ESR2: variants seen among roughly 807,000 people sequenced by gnomAD.
ESR2 encodes the protein estrogen receptor 2.
Under a neutral mutation model 49.6 loss-of-function variants are expected in ESR2, and 36 were observed. The ratio of observed to expected loss-of-function variants is 0.73; its 90% confidence interval spans 0.56 to 0.96. ESR2 has a LOEUF of 0.96. ESR2 is among the 40% of genes least tolerant of loss of function. The probability of loss-of-function intolerance (pLI) is 0.00; values close to 1 mark genes in which losing one functional copy is unlikely to be tolerated. For missense variants in ESR2, 714 were observed against 693.0 expected, an observed-to-expected ratio of 1.03 and a Z score of -0.34; for synonymous variants, 320 against 266.1, an observed-to-expected ratio of 1.20 and a Z score of -1.97.
At chr14:64,308,982 A>G (rs1345191175) in intron 1 of ESR2, among the ~76,000 whole-genome samples, 1 of 152,106 alleles carries the variant, frequency 6.6e-6, no homozygotes, top group East Asian at 1.9e-4. Flanking sequence ...AGAAAATAAA[A>G]AAGAAAAGAG....
At chr14:64,227,617 TA>T, downstream of ESR2, 1 of 1,614,170 alleles carries the variant, frequency 6.2e-7, no homozygotes, top group Non-Finnish European at 8.5e-7. Context: ...TTTCTGCCCT[TA>T]AGTAGAGATG....
chr14:64,276,249 A>G (rs2140794550), intron 3 of ESR2, among the ~76,000 whole-genome samples: 1 of 152,346 alleles, frequency 6.6e-6, no homozygotes, highest in East Asian at 1.9e-4. Flanking sequence ...ATAGGTTAAT[A>G]TATAAAGCAC....
At chr14:64,259,423 TATAAG>T (rs1200844854) in intron 5 of ESR2, among the ~76,000 whole-genome samples, 2 of 152,150 alleles carry the variant, frequency 1.3e-5, no homozygotes, top group Non-Finnish European at 2.9e-5. Flanking sequence ...GCTCAGAACT[TATAAG>T]AGACTTCATT....
At chr14:64,279,073 A>G (rs748331159) in intron 3 of ESR2, among the ~76,000 whole-genome samples, 3 of 152,260 alleles carry the variant, frequency 2.0e-5, no homozygotes, top group East Asian at 1.9e-4. Flanking sequence ...TTGTAACCCA[A>G]TCATTGCTTC....
At chr14:64,293,287 A>G (rs1284055202) in intron 1 of ESR2, among the ~76,000 whole-genome samples, 1 of 152,218 alleles carries the variant, frequency 6.6e-6, no homozygotes, top group East Asian at 1.9e-4. Flanking sequence ...GCAAAAGTAA[A>G]ACTTTCTAAT....
chr14:64,327,243 A>G (rs147983374), intron 1 of ESR2, among the ~76,000 whole-genome samples: 1,765 of 152,338 alleles, frequency 0.012, 37 homozygotes, highest in African/African-American at 0.04. Context: ...TCCAAAATTA[A>G]AAAGAAATGT....
intron 7 of ESR2, among the ~76,000 whole-genome samples, chr14:64,245,373 G>C: frequency 6.6e-6 from 1 of 151,784 alleles, no homozygotes; most frequent in East Asian, 1.9e-4. Context: ...TTAGCCAGGC[G>C]TGGTGGTGGG....
chr14:64,301,284 G>A (rs1350069582), intron 1 of ESR2: 1 of 152,172 alleles, frequency 6.6e-6, no homozygotes, highest in African/African-American at 2.4e-5. Flanking sequence ...CAGGAATTTT[G>A]TGGACTTTCA....
At chr14:64,236,405 C>T (rs2075599597) in intron 7 of ESR2, among the ~76,000 whole-genome samples, 1 of 152,126 alleles carries the variant, frequency 6.6e-6, no homozygotes, top group Non-Finnish European at 1.5e-5. Context: ...CTTGCCCTCC[C>T]ACCGCAGGGG....
At chr14:64,295,679 C>G (rs2076947166), upstream of ESR2, among the ~76,000 whole-genome samples, 1 of 152,120 alleles carries the variant, frequency 6.6e-6, no homozygotes, top group Admixed American at 6.6e-5. Flanking sequence ...TGGGGTCTCT[C>G]AAAGTACCCA....
intron 7 of ESR2, among the ~76,000 whole-genome samples, chr14:64,244,032 A>G (rs939927317): frequency 1.3e-5 from 2 of 152,160 alleles, no homozygotes; most frequent in Non-Finnish European, 2.9e-5. Context: ...ATAAAGGGAT[A>G]CCCAGATAGC....
intron 7 of ESR2, among the ~76,000 whole-genome samples, chr14:64,236,957 C>CTTTTT (rs34618726): frequency 6.9e-6 from 1 of 145,806 alleles, no homozygotes; most frequent in Admixed American, 6.8e-5. Flanking sequence ...GGGCACAGAC[C>CTTTTT]TTTTTTTTTT....
intron 3 of ESR2, among the ~76,000 whole-genome samples, chr14:64,271,747 T>C (rs2076450598): frequency 6.6e-6 from 1 of 152,256 alleles, no homozygotes; most frequent in African/African-American, 2.4e-5. Context: ...ATCTCATTCA[T>C]TTTATGGCCG....
At position 64,231,642 on chromosome 14, in the gene ESR2, G is replaced by C. The variant is rs1279464730; in HGVS notation, c.*1495C>G. The C allele has an allele frequency of 6.6e-6, 1 of 152,154 alleles. No individual in the cohort carries two copies. The highest frequency in any genetic ancestry group is 2.4e-5 in the African/African-American group (1 of 41,420). 9.4% of individuals were successfully genotyped at this position (152,154 alleles called of 1,614,324 possible). ...TGAATGCAGTCTTCCTAATGACTTA[G>C]TAAATACAGGATGTGCTACCCAAAG... On this transcript the variant is annotated 3_prime_UTR_variant, in exon 9 of 9. Coordinates refer to ENST00000341099, the MANE Select transcript of ESR2 (RefSeq NM_001437.3).
At chr14:64,257,121 C>G (rs2076116617) in intron 6 of ESR2, 105 bp downstream of exon 6, 3 of 1,034,142 alleles carry the variant, frequency 2.9e-6, no homozygotes, top group African/African-American at 1.6e-5. Flanking sequence ...CATCCTCTGC[C>G]CTGCAAGTGT....
At chr14:64,252,310 T>TAA (rs1371158093) in intron 6 of ESR2, among the ~76,000 whole-genome samples, 6 of 134,476 alleles carry the variant, frequency 4.5e-5, no homozygotes, top group Non-Finnish European at 6.4e-5. Context: ...GGACCGTCTC[T>TAA]AAAAAAAAAA....
intron 4 of ESR2, among the ~76,000 whole-genome samples, chr14:64,267,668 A>C (rs1311736901): frequency 6.6e-6 from 1 of 151,770 alleles, no homozygotes; most frequent in Non-Finnish European, 1.5e-5. Flanking sequence ...CGAGGTCAGG[A>C]GATCGAGACC....
In ESR2 at chr14:64,271,715, C is replaced by T. The variant is rs906189782; in HGVS notation, c.536-2804G>A. Reference sequence around the variant, plus strand: ...CACTTAACATGACCTCCAGTTGCATCTGTGTTGTTGCAAGTGACAGGATCT... The same window carrying T: ...CACTTAACATGACCTCCAGTTGCATTTGTGTTGTTGCAAGTGACAGGATCT... On this transcript the variant is annotated intron_variant, in intron 3 of 8. Coordinates refer to ENST00000341099, the MANE Select transcript of ESR2 (RefSeq NM_001437.3). 3.3e-5 allele frequency among the ~76,000 whole-genome samples: 5 copies of T among 152,236 alleles called. No homozygotes were observed. In the East Asian group the frequency reaches 9.6e-4, roughly 29 times the overall value.
intron 3 of ESR2, among the ~76,000 whole-genome samples, chr14:64,271,348 C>T (rs370285497): frequency 3.3e-5 from 5 of 151,928 alleles, no homozygotes; most frequent in South Asian, 2.1e-4. Context: ...TTTTTGGAGA[C>T]GGAGTCTCTC....
Sources: gnomAD v4.1 joint callset for allele counts (sites outside exome capture counted in the v4.1 genomes callset) on GRCh38, gnomAD v4.1.1 for gene constraint, MANE v1.5 for transcripts, NCBI Gene and HGNC (gene_info 2026-07-23, HGNC 2026-07-21) for gene names.